NDST4: variants seen among roughly 807,000 people sequenced by gnomAD.
The protein encoded by NDST4 is N-heparan sulfate sulfotransferase 4.
A neutral mutation model predicts 100.8 loss-of-function variants in NDST4; 63 were observed. The observed-to-expected ratio is 0.62, with a 90% CI of 0.51 to 0.77. The LOEUF (loss-of-function observed/expected upper bound fraction) is 0.77, where lower values mean the gene tolerates loss of function less well. Ranked by LOEUF, NDST4 falls within the 30% of genes least tolerant of loss-of-function variation. The probability of loss-of-function intolerance (pLI) is 0.00; values close to 1 mark genes in which losing one functional copy is unlikely to be tolerated. For missense variants in NDST4, 943 were observed against 1,018.4 expected (o/e 0.93, Z 1.01); for synonymous variants, 377 against 361.8 (o/e 1.04, Z -0.48).
chr4:114,903,402 G>A (rs937504423), intron 6 of NDST4, among the ~76,000 whole-genome samples: 1 of 151,998 alleles, frequency 6.6e-6, no homozygotes, highest in Non-Finnish European at 1.5e-5. Flanking sequence ...ACAGAAGTGT[G>A]GGGGGCCTTA....
chr4:114,899,882 A>C (rs929606571), intron 6 of NDST4, among the ~76,000 whole-genome samples: 4 of 152,178 alleles, frequency 2.6e-5, no homozygotes, highest in Non-Finnish European at 5.9e-5. Context: ...CTCTGCTTCT[A>C]TCTTCTAAAA....
chr4:114,982,770 C>T lies in NDST4; in HGVS notation c.979-5496G>A, dbSNP rs184202183. Among the ~76,000 whole-genome samples the T allele has an allele frequency of 7.4e-3, 1,127 of 152,290 alleles. 15 individuals carry two copies. Among genetic ancestry groups the T allele is most frequent in the Middle Eastern group, 0.017 (5 of 294 alleles). The stretch of plus-strand genomic sequence containing the variant: ...GACAATGGGGAAAGTGTCTCCAGAG[C>T]ATTTCAGAGACCTTCACAGCAGCCC... On this transcript the variant is annotated intron_variant, in intron 2 of 13. Coordinates refer to ENST00000264363, the MANE Select transcript of NDST4 (RefSeq NM_022569.3).
At chr4:114,974,507 T>G (rs1343669107) in intron 3 of NDST4, among the ~76,000 whole-genome samples, 2 of 152,134 alleles carry the variant, frequency 1.3e-5, no homozygotes, top group Non-Finnish European at 2.9e-5. Context: ...AGAAATCATG[T>G]CCCTGGCAAA....
chr4:115,108,578 AT>A (rs993028216), intron 1 of NDST4, among the ~76,000 whole-genome samples: 1 of 151,874 alleles, frequency 6.6e-6, no homozygotes, highest in Non-Finnish European at 1.5e-5. Flanking sequence ...TTATCATTTT[AT>A]TTTTTACCAC....
intron 4 of NDST4, among the ~76,000 whole-genome samples, chr4:114,960,863 T>C (rs916460748): frequency 6.6e-6 from 1 of 152,118 alleles, no homozygotes. Context: ...TAGAAACCTA[T>C]AAATATATAC....
chr4:114,973,369 T>C (rs563931993), intron 3 of NDST4, among the ~76,000 whole-genome samples: 2 of 152,086 alleles, frequency 1.3e-5, no homozygotes, highest in South Asian at 4.1e-4. Context: ...TAATATATAC[T>C]TAAATTATAT....
intron 1 of NDST4, among the ~76,000 whole-genome samples, chr4:115,090,992 T>C (rs1366146157): frequency 1.3e-5 from 2 of 152,176 alleles, no homozygotes; most frequent in African/African-American, 2.4e-5. Context: ...TGTTTTTCAA[T>C]ATACATCTTT....
intron 2 of NDST4, among the ~76,000 whole-genome samples, chr4:114,993,941 C>T (rs956723295): frequency 6.6e-6 from 1 of 151,970 alleles, no homozygotes; most frequent in Non-Finnish European, 1.5e-5. Flanking sequence ...TATGATGCTT[C>T]CTCTATTCCA....
intron 1 of NDST4, among the ~76,000 whole-genome samples, chr4:115,078,896 T>A (rs1293239657): frequency 6.6e-6 from 1 of 151,768 alleles, no homozygotes; most frequent in Non-Finnish European, 1.5e-5. Flanking sequence ...CAACCTATAC[T>A]GGGATACATA....
intron 3 of NDST4, among the ~76,000 whole-genome samples, chr4:114,971,745 T>C (rs969428459): frequency 3.3e-5 from 5 of 152,108 alleles, no homozygotes; most frequent in African/African-American, 1.2e-4. Context: ...TTTCTCTGAA[T>C]GTTCCATGTG....
intron 9 of NDST4, among the ~76,000 whole-genome samples, chr4:114,847,748 T>C (rs1216099827): frequency 6.6e-6 from 1 of 152,246 alleles, no homozygotes; most frequent in East Asian, 1.9e-4. Flanking sequence ...AAATGTCCTG[T>C]TATTATTTGC....
At chr4:114,997,428 T>A (rs1439586718) in intron 2 of NDST4, among the ~76,000 whole-genome samples, 1 of 152,092 alleles carries the variant, frequency 6.6e-6, no homozygotes, top group African/African-American at 2.4e-5. Flanking sequence ...TTATCAAAAA[T>A]TCATAAACCC....
chr4:114,894,190 T>C (rs1724663407), intron 6 of NDST4, among the ~76,000 whole-genome samples: 1 of 152,216 alleles, frequency 6.6e-6, no homozygotes, highest in Non-Finnish European at 1.5e-5. Flanking sequence ...CCAGCTTTGT[T>C]CTTTTTGCTT....
intron 2 of NDST4, among the ~76,000 whole-genome samples, chr4:115,045,600 C>T (rs966752874): frequency 3.9e-5 from 6 of 152,124 alleles, no homozygotes; most frequent in African/African-American, 1.2e-4. Context: ...CAGCAGTAGA[C>T]TGATATTGAA....
At chr4:114,846,070 G>C in intron 9 of NDST4, 73 bp from the exon 10 acceptor site, 1 of 1,122,472 alleles carries the variant, frequency 8.9e-7, no homozygotes, top group Middle Eastern at 2.3e-4. Context: ...TGAAATAATT[G>C]GAACATTTTA....
intron 11 of NDST4, among the ~76,000 whole-genome samples, chr4:114,837,356 C>T (rs1723326425): frequency 6.6e-6 from 1 of 151,948 alleles, no homozygotes; most frequent in Non-Finnish European, 1.5e-5. Flanking sequence ...AAAAAAAGAG[C>T]CCGTATAGCC....
At chr4:115,102,286 A>G (rs1234329936) in intron 1 of NDST4, among the ~76,000 whole-genome samples, 1 of 152,124 alleles carries the variant, frequency 6.6e-6, no homozygotes, top group Non-Finnish European at 1.5e-5. Context: ...AGGCAAAAAA[A>G]CTATAAGATA....
intron 6 of NDST4, among the ~76,000 whole-genome samples, chr4:114,883,110 G>A (rs532119332): frequency 6.6e-6 from 1 of 151,796 alleles, no homozygotes; most frequent in South Asian, 2.1e-4. Flanking sequence ...AAGTTTTTTA[G>A]GCAGAGAAAA....
intron 2 of NDST4, among the ~76,000 whole-genome samples, chr4:115,035,231 C>T (rs574288317): frequency 4.6e-5 from 7 of 151,996 alleles, no homozygotes; most frequent in Admixed American, 2.6e-4. Context: ...TATGCATTTC[C>T]GGTAGAAACA....
Sources: allele counts gnomAD v4.1 joint callset (sites outside exome capture counted in the v4.1 genomes callset), GRCh38; gene constraint gnomAD v4.1.1; transcripts MANE v1.5; gene names NCBI Gene and HGNC (gene_info 2026-07-23, HGNC 2026-07-21).